Variants in THADA observed in about 807,000 individuals in gnomAD.
THADA encodes tRNA (32-2'-O)-methyltransferase regulator THADA.
THADA carries 213 observed loss-of-function variants against 219.8 expected under a neutral mutation model. The ratio of observed to expected loss-of-function variants is 0.97; its 90% CI spans 0.87 to 1.09. THADA has a LOEUF of 1.09. THADA is among the 50% of genes least tolerant of loss of function. The pLI is 0.00. For synonymous variants in THADA, 1,018 were observed against 828.9 expected, an observed-to-expected ratio of 1.23 and a Z score of -3.92; for missense variants, 2,956 against 2,311.3, an observed-to-expected ratio of 1.28 and a Z score of -5.72.
intron 22 of THADA, among the ~76,000 whole-genome samples, chr2:43,521,874 C>T (rs1476801794): frequency 6.6e-6 from 1 of 152,216 alleles, no homozygotes; most frequent in Non-Finnish European, 1.5e-5. Flanking sequence ...AAATCCGATT[C>T]CCTGACTACA....
At chr2:43,515,277 A>T (rs948016682) in intron 22 of THADA, among the ~76,000 whole-genome samples, 26 of 3,752 alleles carry the variant, frequency 6.9e-3, no homozygotes, top group African/African-American at 9.9e-3. Context: ...TATAATATAT[A>T]ATATATTATA....
intron 29 of THADA, among the ~76,000 whole-genome samples, chr2:43,361,442 C>A (rs777518180): frequency 6.6e-6 from 1 of 152,238 alleles, no homozygotes; most frequent in Non-Finnish European, 1.5e-5. Flanking sequence ...TGTGGTGCAA[C>A]TGACGGCATC....
At chr2:43,445,132 T>C (rs1410045023) in intron 26 of THADA, among the ~76,000 whole-genome samples, 2 of 152,134 alleles carry the variant, frequency 1.3e-5, no homozygotes, top group Non-Finnish European at 2.9e-5. Flanking sequence ...GGCCTGTGTC[T>C]CCTCACCACA....
chr2:43,563,371 A>G (rs1698305216), intron 15 of THADA: 1 of 152,118 alleles, frequency 6.6e-6, no homozygotes, highest in South Asian at 2.1e-4. Flanking sequence ...GAAGCCACTA[A>G]CACTCTCCAG....
chr2:43,514,871 T>G (rs1362319192), intron 22 of THADA, among the ~76,000 whole-genome samples: 1 of 81,442 alleles, frequency 1.2e-5, no homozygotes, highest in Admixed American at 2.2e-4. Flanking sequence ...ATATATTTTA[T>G]GTATAATATG....
Position 43,502,842 on chromosome 2 carries a change from T to A in THADA, c.3621+2780A>T, listed in dbSNP as rs565178349. Among the ~76,000 whole-genome samples the A allele has an allele frequency of 2.6e-5, 4 of 152,062 alleles. No individual in the cohort carries two copies. The East Asian group carries it at 7.7e-4, about 29-fold the overall frequency. The stretch of plus-strand genomic sequence containing the variant: ...AAAGAAATCAATATCAAGAAAATAT[T>A]TTTGAAACAACAATAAAAATCCAAC... On this transcript the variant is annotated intron_variant, in intron 24 of 37. Transcript: ENST00000405975.
intron 15 of THADA, 117 bp from the exon 16 acceptor site, chr2:43,560,502 AC>A: frequency 1.6e-6 from 1 of 637,744 alleles, no homozygotes; most frequent in Non-Finnish European, 2.4e-6. Flanking sequence ...TTCATACTTT[AC>A]CCATGATAGC....
intron 29 of THADA, among the ~76,000 whole-genome samples, chr2:43,393,576 C>T (rs940704023): frequency 5.3e-5 from 8 of 151,966 alleles, no homozygotes; most frequent in Non-Finnish European, 1.0e-4. Context: ...GCCGTGGTGG[C>T]AGGCGCCTGT....
chr2:43,441,881 C>A (rs903304661), intron 26 of THADA, among the ~76,000 whole-genome samples: 3 of 152,042 alleles, frequency 2.0e-5, no homozygotes, highest in Non-Finnish European at 2.9e-5. Flanking sequence ...ATTTTTTTCA[C>A]AAAAGTAGCA....
At chr2:43,563,331 A>T (rs968311569) in intron 15 of THADA, 1 of 152,086 alleles carries the variant, frequency 6.6e-6, no homozygotes, top group African/African-American at 2.4e-5. Context: ...GCTTTTTTCA[A>T]ATGTGAAGCC....
At chr2:43,569,114 G>A (rs941065323) in intron 14 of THADA, among the ~76,000 whole-genome samples, 11 of 151,948 alleles carry the variant, frequency 7.2e-5, no homozygotes, top group Non-Finnish European at 1.2e-4. Flanking sequence ...TGGGAACACA[G>A]GTGCACACCA....
At chr2:43,318,331 C>A (rs1210459238) in intron 31 of THADA, among the ~76,000 whole-genome samples, 1 of 152,082 alleles carries the variant, frequency 6.6e-6, no homozygotes, top group Non-Finnish European at 1.5e-5. Context: ...TGAGCCACCA[C>A]ATCTGACCTT....
In THADA at chr2:43,525,846, T is replaced by C. The variant is rs550470681; in HGVS notation, c.3374+2033A>G. On this transcript the variant is annotated intron_variant, in intron 22 of 37. Coordinates refer to ENST00000405975, the MANE Select transcript of THADA (RefSeq NM_022065.5). ...GGGACAAAAGTTAACTAAAACCCCA[T>C]GTTTGTCTCTATTCCCAGAGCCACC... Among the ~76,000 whole-genome samples, 5 of 152,344 alleles carry C rather than the reference T, an allele frequency of 3.3e-5. No individual in the cohort carries two copies. In the East Asian group the frequency reaches 5.8e-4, roughly 18 times the overall value.
rs572189388 is a variant in THADA at position 43,573,279 on chromosome 2, G to C, written c.1730-287C>G. The stretch of plus-strand genomic sequence containing the variant: ...GCTTTTTCCCTAACACCTAGAAAGG[G>C]AATCAGGCAGCAAATCAGGAAATAA... On this transcript the variant is annotated intron_variant, in intron 11 of 37. Coordinates refer to ENST00000405975, the MANE Select transcript of THADA (RefSeq NM_022065.5). Among the ~76,000 whole-genome samples, 7 of 152,232 alleles carry C rather than the reference G, an allele frequency of 4.6e-5. No individual in the cohort carries two copies. The South Asian group carries it at 1.5e-3, about 32-fold the overall frequency.
intron 30 of THADA, among the ~76,000 whole-genome samples, chr2:43,341,747 T>C (rs1326936598): frequency 1.3e-5 from 2 of 152,212 alleles, no homozygotes; most frequent in Non-Finnish European, 2.9e-5. Context: ...CTCTGACTTC[T>C]TGATCCCCAG....
intron 29 of THADA, among the ~76,000 whole-genome samples, chr2:43,375,696 T>A (rs1436498254): frequency 6.6e-6 from 1 of 152,212 alleles, no homozygotes; most frequent in Non-Finnish European, 1.5e-5. Context: ...GAAAAATCTG[T>A]AGGCCAAAAG....
At chr2:43,291,608 GCTAAGACTGTTCACTTTTA>G in intron 34 of THADA, 69 bp downstream of exon 34, 2 of 1,010,666 alleles carry the variant, frequency 2.0e-6, no homozygotes, top group Non-Finnish European at 2.8e-6. Flanking sequence ...GGTTCTGCCT[GCTAAGACTGTTCACTTTTA>G]CTGACATCTT....
intron 36 of THADA, among the ~76,000 whole-genome samples, chr2:43,234,983 TC>T: frequency 6.7e-6 from 1 of 149,554 alleles, no homozygotes; most frequent in South Asian, 2.1e-4. Context: ...GGTTTATCAC[TC>T]TTTTTTTTTT....
intron 36 of THADA, among the ~76,000 whole-genome samples, chr2:43,249,657 G>A (rs1168788753): frequency 1.3e-5 from 2 of 152,176 alleles, no homozygotes; most frequent in East Asian, 1.9e-4. Flanking sequence ...TGGATTGGCT[G>A]TACCAGCCAT....
Sources: allele counts gnomAD v4.1 joint callset (sites outside exome capture counted in the v4.1 genomes callset), GRCh38; gene constraint gnomAD v4.1.1; transcripts MANE v1.5; gene names NCBI Gene and HGNC (gene_info 2026-07-23, HGNC 2026-07-21).